Variants in IGF2R observed in about 807,000 individuals in gnomAD.
IGF2R encodes the protein insulin like growth factor 2 receptor.
In IGF2R, 91 loss-of-function variants were observed where a neutral mutation model predicts 270.6. The ratio of observed to expected loss-of-function variants is 0.34; its 90% CI spans 0.28 to 0.40. The LOEUF (loss-of-function observed/expected upper bound fraction) is 0.40. IGF2R is among the 10% of genes least tolerant of loss of function. IGF2R has a pLI of 1.00. For missense variants in IGF2R, 2,805 were observed against 3,188.3 expected (o/e 0.88, Z 2.90); for synonymous variants, 1,316 against 1,258.9 (o/e 1.05, Z -0.96).
chr6:160,057,122 G>A (rs939691004), intron 20 of IGF2R, among the ~76,000 whole-genome samples: 1 of 152,054 alleles, frequency 6.6e-6, no homozygotes, highest in African/African-American at 2.4e-5. Flanking sequence ...CCTTTCTATA[G>A]GGTGAGGCCT....
At chr6:160,083,214 A>G (rs1037290178) in intron 39 of IGF2R, among the ~76,000 whole-genome samples, 1 of 152,260 alleles carries the variant, frequency 6.6e-6, no homozygotes, top group Non-Finnish European at 1.5e-5. Flanking sequence ...AGTTTAAGGG[A>G]TGGTACTATG....
intron 31 of IGF2R, 129 bp from the exon 32 acceptor site, chr6:160,071,781 A>G: frequency 8.1e-7 from 1 of 1,238,058 alleles, no homozygotes. Context: ...CTCATCCCAC[A>G]GGCACATGGA....
intron 2 of IGF2R, among the ~76,000 whole-genome samples, chr6:159,993,783 A>G (rs538282064): frequency 6.6e-6 from 1 of 152,260 alleles, no homozygotes; most frequent in African/African-American, 2.4e-5. Context: ...TACTTTGATA[A>G]GAATTGCACT....
chr6:159,999,585 G>A (rs1784099197), intron 2 of IGF2R, among the ~76,000 whole-genome samples: 1 of 152,144 alleles, frequency 6.6e-6, no homozygotes, highest in Non-Finnish European at 1.5e-5. Flanking sequence ...AACTTCTTTT[G>A]ATCTTGTTAG....
At chr6:159,976,646 C>CT (rs146057799) in intron 1 of IGF2R, among the ~76,000 whole-genome samples, 15 of 150,318 alleles carry the variant, frequency 1.0e-4, no homozygotes, top group South Asian at 2.1e-4. Flanking sequence ...GATTCTGATA[C>CT]TTTTTTTTTT....
Position 160,072,051 on chromosome 6 carries a change from C to T in IGF2R, c.4570+15C>T, listed in dbSNP as rs1778752485. 6.2e-7 allele frequency: 1 copy of T among 1,613,876 alleles called. No homozygotes were observed. Among genetic ancestry groups the T allele is most frequent in the African/African-American group, 1.3e-5 (1 of 74,910 alleles). The stretch of plus-strand genomic sequence containing the variant: ...CCCAAGCACAGGTGAGAGGTGGTGC[C>T]AGTCGTTAACCCCAGCGCAGGTGAG... On this transcript the variant is annotated intron_variant, in intron 32 of 47. Transcript: ENST00000356956.
At chr6:160,098,465 G>A (rs550565412) in intron 45 of IGF2R, among the ~76,000 whole-genome samples, 7 of 152,174 alleles carry the variant, frequency 4.6e-5, no homozygotes, top group Admixed American at 1.3e-4. Context: ...CGGGGGTGAC[G>A]TGGAATAGTG....
At chr6:160,040,530 A>G (rs1329696171) in intron 10 of IGF2R, 30 bp from the exon 11 acceptor site, 2 of 1,608,680 alleles carry the variant, frequency 1.2e-6, no homozygotes, top group Non-Finnish European at 1.7e-6. Flanking sequence ...TCACGTATGG[A>G]GTTTAAATTT....
chr6:159,980,239 G>GAAAGAAA (rs1562330724), intron 1 of IGF2R, among the ~76,000 whole-genome samples: 3 of 145,758 alleles, frequency 2.1e-5, no homozygotes, highest in Admixed American at 6.8e-5. Flanking sequence ...AAGAAAGAAA[G>GAAAGAAA]GTACATGGAA....
chr6:160,044,329 C>T (rs989802741), intron 12 of IGF2R, among the ~76,000 whole-genome samples, 185 bp from the exon 13 acceptor site: 3 of 152,184 alleles, frequency 2.0e-5, no homozygotes, highest in Admixed American at 1.3e-4. Flanking sequence ...CCAAACGTGG[C>T]ACTCTAGGGA....
intron 10 of IGF2R, among the ~76,000 whole-genome samples, chr6:160,040,297 T>C (rs903641342): frequency 1.3e-5 from 2 of 152,136 alleles, no homozygotes; most frequent in East Asian, 3.9e-4. Flanking sequence ...ATCTTATCTT[T>C]GGAGATGCTG....
In IGF2R at chr6:160,105,758, GGA is replaced by G. The variant is rs1199204408; in HGVS notation, c.*678_*679del. ...CAGGGTCCCCGAGTGCCTAGGTTTT[GGA>G]GAGTTTGCCTGTTCTATGCCTTTAG... On this transcript the variant is annotated 3_prime_UTR_variant, in exon 48 of 48. Coordinates refer to ENST00000356956, the MANE Select transcript of IGF2R (RefSeq NM_000876.4). 6.6e-6 allele frequency: 1 copy of G among 152,632 alleles called. No individual in the cohort carries two copies. Among genetic ancestry groups the G allele is most frequent in the East Asian group, 1.9e-4 (1 of 5,188 alleles). The allele number at this position is 152,632 out of a possible 1,614,324, so 9.5% of individuals were successfully genotyped here.
At chr6:160,065,802 G>GTATATA in intron 29 of IGF2R, among the ~76,000 whole-genome samples, 1 of 61,700 alleles carries the variant, frequency 1.6e-5, no homozygotes, top group Non-Finnish European at 3.0e-5. Flanking sequence ...GTGTGTGTGT[G>GTATATA]TGTGTGTGTG....
rs146721704 is a variant in IGF2R at position 160,050,144 on chromosome 6, C to G, written c.2515-329C>G. On this transcript the variant is annotated intron_variant, in intron 18 of 47. Coordinates refer to ENST00000356956, the MANE Select transcript of IGF2R (RefSeq NM_000876.4). The surrounding 1 kb of genome is among the most constrained non-coding windows in gnomAD (Gnocchi z 4.0). Reference sequence around the variant, plus strand: ...AAGAACATCTTACACGATTATTGAACGAAAGCCTTATGATTCCAATGCCAG... The same window carrying G: ...AAGAACATCTTACACGATTATTGAAGGAAAGCCTTATGATTCCAATGCCAG... Among the ~76,000 whole-genome samples, 1 of 152,176 alleles carries G rather than the reference C, an allele frequency of 6.6e-6. No homozygotes were observed. The highest frequency in any genetic ancestry group is 1.5e-5 in the Non-Finnish European group (1 of 68,052).
At chr6:160,041,375 A>T (rs939655899) in intron 11 of IGF2R, among the ~76,000 whole-genome samples, 1 of 152,132 alleles carries the variant, frequency 6.6e-6, no homozygotes, top group Non-Finnish European at 1.5e-5. Context: ...ATTACCACCC[A>T]GAACAGTCAC....
chr6:160,060,776 G>A (rs970954051), intron 23 of IGF2R, 59 bp downstream of exon 23: 5 of 1,524,028 alleles, frequency 3.3e-6, no homozygotes, highest in Non-Finnish European at 4.5e-6. Context: ...GTGTGTGAGT[G>A]GATATGAAGG....
At chr6:160,069,572 T>C (rs1778668940) in intron 30 of IGF2R, among the ~76,000 whole-genome samples, 1 of 152,220 alleles carries the variant, frequency 6.6e-6, no homozygotes, top group Non-Finnish European at 1.5e-5. Context: ...TTTGGGAATA[T>C]AACCTTCATC....
chr6:160,066,894 G>C (rs1463258960), intron 29 of IGF2R, among the ~76,000 whole-genome samples: 1 of 152,152 alleles, frequency 6.6e-6, no homozygotes, highest in Non-Finnish European at 1.5e-5. Context: ...CCTGCCACCT[G>C]CCCCTGGTTT....
At chr6:159,985,995 C>T (rs575384550) in intron 1 of IGF2R, among the ~76,000 whole-genome samples, 1 of 152,182 alleles carries the variant, frequency 6.6e-6, no homozygotes, top group Admixed American at 6.5e-5. Context: ...AGGCTGCCTC[C>T]CTTGAGGATG....
Sources: gnomAD v4.1 joint callset for allele counts (sites outside exome capture counted in the v4.1 genomes callset) on GRCh38, gnomAD v4.1.1 for gene constraint, Gnocchi (gnomAD v3.1) non-coding constraint, MANE v1.5 for transcripts, NCBI Gene and HGNC (gene_info 2026-07-23, HGNC 2026-07-21) for gene names.